The following LUZP2 variants were observed in gnomAD, a reference collection of about 807,000 sequenced individuals.
LUZP2 encodes the protein leucine zipper protein 2.
Under a neutral mutation model 51.6 loss-of-function variants are expected in LUZP2, and 52 were observed. That is an observed-to-expected ratio of 1.01 (90% CI 0.81 to 1.27). The LOEUF is 1.27. LUZP2 is among the 50% of genes most tolerant of loss of function. The pLI is 0.00. For missense variants in LUZP2, 436 were observed against 395.4 expected (o/e 1.10, Z -0.87); for synonymous variants, 154 against 137.3 (o/e 1.12, Z -0.85).
In LUZP2 at chr11:24,643,336, G is replaced by C. The variant is rs1590285071; in HGVS notation, c.63-85833G>C. 2.0e-5 allele frequency among the ~76,000 whole-genome samples: 3 copies of C among 151,552 alleles called. No individual in the cohort carries two copies. In the East Asian group the frequency reaches 5.8e-4, roughly 29 times the overall value. On this transcript the variant is annotated intron_variant, in intron 1 of 11. Coordinates refer to ENST00000336930, the MANE Select transcript of LUZP2 (RefSeq NM_001009909.4). ...GTTGGGGGGTAGAGAAGAGATTAAG[G>C]AGTGGAAGAATTAAGAAGTACTTCA... is the stretch of plus-strand genomic sequence containing the variant.
intron 7 of LUZP2, among the ~76,000 whole-genome samples, chr11:24,975,907 A>T (rs934616923): frequency 6.6e-6 from 1 of 151,944 alleles, no homozygotes; most frequent in Admixed American, 6.6e-5. Flanking sequence ...GGGCTGTCAT[A>T]ACAAAATACC....
chr11:25,043,180 A>C (rs939516627), intron 9 of LUZP2, among the ~76,000 whole-genome samples: 3 of 152,000 alleles, frequency 2.0e-5, no homozygotes, highest in Non-Finnish European at 4.4e-5. Context: ...TAAGCCACTC[A>C]CTCTGATTTT....
rs181840356 is a variant in LUZP2 at position 24,611,751 on chromosome 11, A to C, written c.62+114446A>C. Among the ~76,000 whole-genome samples the C allele has an allele frequency of 1.3e-5, 2 of 152,314 alleles. No individual in the cohort carries two copies. The highest frequency in any genetic ancestry group is 1.3e-4 in the Admixed American group (2 of 15,296). ...CTTTCACTCCTCACACCAAGCCAAGATATAACTACCTCATTTATCACCATT... is the reference window on the plus strand; with the variant it reads ...CTTTCACTCCTCACACCAAGCCAAGCTATAACTACCTCATTTATCACCATT... On this transcript the variant is annotated intron_variant, in intron 1 of 11. Transcript: ENST00000336930. The surrounding 1 kb of genome is among the most constrained non-coding windows in gnomAD (Gnocchi z 4.6).
chr11:24,620,628 G>T (rs1854462295), intron 1 of LUZP2, among the ~76,000 whole-genome samples: 1 of 152,122 alleles, frequency 6.6e-6, no homozygotes, highest in African/African-American at 2.4e-5. Context: ...CTAAATTCTT[G>T]TGCATTTAAT....
chr11:25,050,164 A>G, intron 10 of LUZP2, 34 bp downstream of exon 10: 1 of 1,337,336 alleles, frequency 7.5e-7, no homozygotes, highest in Middle Eastern at 1.9e-4. Flanking sequence ...TTACAGTATT[A>G]GACAGGAGAA....
intron 5 of LUZP2, among the ~76,000 whole-genome samples, chr11:24,878,406 G>T (rs923821452): frequency 1.3e-5 from 2 of 151,980 alleles, no homozygotes; most frequent in Admixed American, 6.6e-5. Context: ...TGAAAAATCT[G>T]CCACCAGGTG....
intron 1 of LUZP2, among the ~76,000 whole-genome samples, chr11:24,602,156 A>ATG (rs1853707422): frequency 1.4e-4 from 17 of 122,200 alleles, no homozygotes; most frequent in African/African-American, 4.2e-4. Context: ...ATATGTATAT[A>ATG]TGTATATATG....
chr11:24,581,529 G>T (rs1208245570), intron 1 of LUZP2, among the ~76,000 whole-genome samples: 1 of 119,440 alleles, frequency 8.4e-6, no homozygotes, highest in African/African-American at 2.6e-5. Flanking sequence ...AAATTACCCA[G>T]GTGTGGTGGC....
chr11:25,056,638 T>C (rs1290014195), intron 10 of LUZP2, among the ~76,000 whole-genome samples: 1 of 152,114 alleles, frequency 6.6e-6, no homozygotes, highest in African/African-American at 2.4e-5. Flanking sequence ...AGATGAAGAT[T>C]TTTCAAATTT....
intron 4 of LUZP2, among the ~76,000 whole-genome samples, chr11:24,745,571 C>T (rs1859348685): frequency 6.6e-6 from 1 of 152,154 alleles, no homozygotes; most frequent in Non-Finnish European, 1.5e-5. Context: ...GCCCTTTCTA[C>T]CACTTTACTT....
chr11:24,741,059 G>A (rs2133988188), intron 4 of LUZP2, among the ~76,000 whole-genome samples: 1 of 152,092 alleles, frequency 6.6e-6, no homozygotes, highest in South Asian at 2.1e-4. Flanking sequence ...CTAATAAAAG[G>A]ACTATTAAAA....
In LUZP2 at chr11:24,874,548, G is replaced by A. The variant is rs745689115; in HGVS notation, c.397-31443G>A. Among the ~76,000 whole-genome samples, 11 of 152,000 alleles carry A rather than the reference G, an allele frequency of 7.2e-5. 1 individual carries two copies. Among genetic ancestry groups the A allele is most frequent in the South Asian group, 4.1e-4 (2 of 4,822 alleles). On this transcript the variant is annotated intron_variant, in intron 5 of 11. Transcript: ENST00000336930. ...CCATGCTGCACCGGATGTTGACCTC[G>A]GCCTGTACTTGACTGCAGCACAGCC...
chr11:24,707,307 CGT>C (rs58713202), intron 1 of LUZP2, among the ~76,000 whole-genome samples: 55 of 147,204 alleles, frequency 3.7e-4, no homozygotes, highest in East Asian at 6.0e-4. Context: ...TCTGTGTGTG[CGT>C]GTGTGTGTGT....
At chr11:24,636,266 C>G (rs1425677917) in intron 1 of LUZP2, among the ~76,000 whole-genome samples, 1 of 152,088 alleles carries the variant, frequency 6.6e-6, no homozygotes, top group African/African-American at 2.4e-5. Context: ...AGTTCTCTAT[C>G]AATACTACTT....
intron 4 of LUZP2, 112 bp downstream of exon 4, chr11:24,738,414 C>A: frequency 5.7e-6 from 4 of 706,746 alleles, no homozygotes; most frequent in Non-Finnish European, 9.7e-6. Context: ...AGTGAAAAGA[C>A]AATAAAAGAA....
At chr11:24,598,016 G>A (rs370324074) in intron 1 of LUZP2, among the ~76,000 whole-genome samples, 7 of 151,762 alleles carry the variant, frequency 4.6e-5, no homozygotes, top group African/African-American at 1.7e-4. Context: ...CAGGAGAATC[G>A]CTTGAACCTG....
chr11:24,886,429 T>A (rs1852668608), intron 5 of LUZP2, among the ~76,000 whole-genome samples: 1 of 152,160 alleles, frequency 6.6e-6, no homozygotes, highest in Non-Finnish European at 1.5e-5. Flanking sequence ...TACTTTTTAT[T>A]TCCATGTAGC....
At chr11:24,943,665 G>T (rs1854820348) in intron 7 of LUZP2, among the ~76,000 whole-genome samples, 1 of 152,022 alleles carries the variant, frequency 6.6e-6, no homozygotes, top group African/African-American at 2.4e-5. Context: ...ATCACTTGAG[G>T]TCAGGAGTTC....
chr11:25,002,617 A>T (rs550900466), intron 9 of LUZP2, among the ~76,000 whole-genome samples: 1 of 152,260 alleles, frequency 6.6e-6, no homozygotes, highest in Admixed American at 6.5e-5. Flanking sequence ...CCACCACCGC[A>T]ACTACCTGCA....
Sources: allele counts gnomAD v4.1 joint callset (sites outside exome capture counted in the v4.1 genomes callset), GRCh38; gene constraint gnomAD v4.1.1; non-coding constraint Gnocchi (gnomAD v3.1); transcripts MANE v1.5; gene names NCBI Gene and HGNC (gene_info 2026-07-23, HGNC 2026-07-21).